The following PTPRB variants were observed in gnomAD, a reference collection of about 807,000 sequenced individuals.
The protein encoded by PTPRB is receptor-type tyrosine-protein phosphatase beta.
Under a neutral mutation model 238.1 loss-of-function variants are expected in PTPRB, and 97 were observed. That is an observed-to-expected ratio of 0.41 (90% CI 0.35 to 0.48). The LOEUF is 0.48. PTPRB is among the 20% of genes least tolerant of loss of function. PTPRB has a pLI of 0.30. For missense variants in PTPRB, 2,292 were observed against 2,681.9 expected, an observed-to-expected ratio of 0.85 and a Z score of 3.21; for synonymous variants, 970 against 995.4, an observed-to-expected ratio of 0.97 and a Z score of 0.48.
Position 70,636,067 on chromosome 12 carries a change from C to A in PTPRB, c.56-1G>T, listed in dbSNP as rs376092959. The A allele has an allele frequency of 4.4e-6, 7 of 1,601,144 alleles. No individual in the cohort carries two copies. Among genetic ancestry groups the A allele is most frequent in the Non-Finnish European group, 6.0e-6 (7 of 1,172,954 alleles). On this transcript the variant is annotated splice_acceptor_variant, in intron 1 of 33. Coordinates refer to ENST00000334414, the MANE Select transcript of PTPRB (RefSeq NM_001109754.4). LOFTEE classifies it high-confidence loss of function. ...TGGACATGGACAATCTGAAACCCTT[C>A]TGGAAGATGAAAAGCTCATAAAGCA...
At chr12:70,625,805 C>T (rs1240428228) in intron 2 of PTPRB, among the ~76,000 whole-genome samples, 1 of 152,124 alleles carries the variant, frequency 6.6e-6, no homozygotes, top group Non-Finnish European at 1.5e-5. Context: ...TGTTTCCCTA[C>T]TATAACACAA....
intron 4 of PTPRB, among the ~76,000 whole-genome samples, chr12:70,602,456 T>C (rs376631289): frequency 5.9e-4 from 90 of 152,338 alleles, no homozygotes; most frequent in African/African-American, 1.9e-3. Flanking sequence ...TCTAATCAGA[T>C]TGCTGTCCAA....
At chr12:70,611,858 A>G (rs899807937) in intron 3 of PTPRB, among the ~76,000 whole-genome samples, 8 of 152,182 alleles carry the variant, frequency 5.3e-5, no homozygotes, top group African/African-American at 1.7e-4. Context: ...GCCCAAGTTC[A>G]GTGGCTCTTC....
intron 18 of PTPRB, among the ~76,000 whole-genome samples, chr12:70,557,110 A>G (rs777485371): frequency 2.6e-5 from 4 of 152,216 alleles, no homozygotes; most frequent in South Asian, 2.1e-4. Context: ...AAAAGCTGTA[A>G]GGCAGAGGTG....
chr12:70,579,988 A>G (rs1374371315), intron 10 of PTPRB, among the ~76,000 whole-genome samples: 1 of 151,988 alleles, frequency 6.6e-6, no homozygotes, highest in East Asian at 1.9e-4. Flanking sequence ...AATTATATAA[A>G]ATTAAGTAGA....
chr12:70,596,655 A>G (rs1292191076), intron 4 of PTPRB, among the ~76,000 whole-genome samples: 4 of 152,176 alleles, frequency 2.6e-5, no homozygotes, highest in Non-Finnish European at 5.9e-5. Flanking sequence ...CAGTTTAGCA[A>G]CTTTTTCAAA....
At position 70,538,210 on chromosome 12, in the gene PTPRB, A is replaced by C. The variant is rs1349632372; in HGVS notation, c.5891T>G (p.Leu1964Arg). 2 of 1,613,354 alleles carry C rather than the reference A, an allele frequency of 1.2e-6. No individual in the cohort carries two copies. The highest frequency in any genetic ancestry group is 1.7e-6 in the Non-Finnish European group (2 of 1,179,732). The change falls in exon 28 of 34, where the codon CTC becomes CGC. Residue 1964 changes from leucine to arginine, a missense_variant. By Grantham distance (102) the Leu-to-Arg change is moderately radical. Coordinates refer to ENST00000334414, the MANE Select transcript of PTPRB (RefSeq NM_001109754.4). ...ILPYDATRVK[L>R]SNVDDDPCSD... ...GCAAGGATCATCATCTACATTGGAG[A>C]GCTTCACTCGCGTGGCATCATCTGG...
intron 18 of PTPRB, among the ~76,000 whole-genome samples, chr12:70,556,358 G>T (rs1055791090): frequency 1.3e-5 from 2 of 152,144 alleles, no homozygotes; most frequent in Non-Finnish European, 2.9e-5. Context: ...GACAGGTGTG[G>T]ACAAGTCTGA....
chr12:70,535,369 T>C (rs1216191634), intron 29 of PTPRB, among the ~76,000 whole-genome samples: 3 of 151,918 alleles, frequency 2.0e-5, no homozygotes, highest in Admixed American at 6.6e-5. Context: ...CCCTTCTTCG[T>C]TCATATTTTT....
rs1003316981 is a variant in PTPRB, at chr12:70,544,540, G to A, written c.5494+17C>T. On this transcript the variant is annotated intron_variant, in intron 22 of 33. Transcript: ENST00000334414. ...GACATGGCAGTTGGTAGAACATGAT[G>A]TAAAGGTTAGCCTTACCTGATTCAG... 5.8e-6 allele frequency: 9 copies of A among 1,554,682 alleles called. No individual in the cohort carries two copies. Among genetic ancestry groups the A allele is most frequent in the Middle Eastern group, 1.7e-4 (1 of 5,974 alleles).
rs1882988982 is a variant in PTPRB, at chr12:70,596,143, A to G, written c.1164T>C (p.Phe388=). 1 of 1,613,700 alleles carries G rather than the reference A, an allele frequency of 6.2e-7. No individual in the cohort carries two copies. Among genetic ancestry groups the G allele is most frequent in the South Asian group, 1.1e-5 (1 of 91,060 alleles). The change falls in exon 5 of 34, where the codon TTT becomes TTC. Residue 388 remains phenylalanine (F), a synonymous_variant. Coordinates refer to ENST00000334414, the MANE Select transcript of PTPRB (RefSeq NM_001109754.4). The part of the protein sequence containing the change: ...QESTSWNEYT[F]FNLTAGSKYN... ...ATTTACTACCAGCAGTGAGATTGAA[A>G]AAAGTGTATTCATTCCATGAAGTAC...
chr12:70,594,779 A>C, intron 5 of PTPRB, 55 bp from the exon 6 acceptor site: 1 of 1,578,482 alleles, frequency 6.3e-7, no homozygotes. Flanking sequence ...TATAGGAGAC[A>C]TAGACACATT....
At chr12:70,609,769 G>A in intron 3 of PTPRB, 3 of 1,584,048 alleles carry the variant, frequency 1.9e-6, no homozygotes, top group South Asian at 2.3e-5. Context: ...ACCTGCAGCA[G>A]GCTCAGTGTG....
At chr12:70,524,347 T>C in intron 33 of PTPRB, 124 bp downstream of exon 33, 1 of 1,087,404 alleles carries the variant, frequency 9.2e-7, no homozygotes. Context: ...ACTCTTAGGC[T>C]CAAGTGATCC....
At position 70,569,714 on chromosome 12, in the gene PTPRB, C is replaced by G. The variant is rs371970511; in HGVS notation, c.3595G>C (p.Gly1199Arg). Residue 1199 changes from glycine to arginine, a missense_variant, in exon 14 of 34, where the codon GGG becomes CGG. Gly to Arg is a moderately radical substitution (Grantham distance 125, BLOSUM62 -2). Coordinates refer to ENST00000334414, the MANE Select transcript of PTPRB (RefSeq NM_001109754.4). ...ACATTTATCTGATTCTTCAGGGACC[C>G]GCTGACTGAGGCAATCATGATCTGG... ...QYQIMIASVS[G>R]SLKNQINVVG... is the part of the protein sequence containing the mutation. 1.2e-6 allele frequency: 2 copies of G among 1,613,846 alleles called. No individual in the cohort carries two copies. Among genetic ancestry groups the G allele is most frequent in the African/African-American group, 1.3e-5 (1 of 75,010 alleles).
chr12:70,569,043 G>T (rs1879687269), intron 14 of PTPRB, among the ~76,000 whole-genome samples: 1 of 152,062 alleles, frequency 6.6e-6, no homozygotes, highest in African/African-American at 2.4e-5. Flanking sequence ...TTCTTAAAAG[G>T]TAGAACTTTT....
rs1871330446 is a variant in PTPRB, at chr12:70,518,112, T to A, written c.*3377A>T. ...CCCAAAGAAAACTGCCCCGAAAATG[T>A]CTGTGTGCTGTGTGCCTTTTAGTAT... On this transcript the variant is annotated 3_prime_UTR_variant, in exon 34 of 34. Coordinates refer to ENST00000334414, the MANE Select transcript of PTPRB (RefSeq NM_001109754.4). 2 of 152,144 alleles carry A rather than the reference T, an allele frequency of 1.3e-5. No homozygotes were observed. Among genetic ancestry groups the A allele is most frequent in the Admixed American group, 1.3e-4 (2 of 15,258 alleles). 9.4% of individuals were successfully genotyped at this position (152,144 alleles called of 1,614,324 possible). A position where few individuals can be genotyped will look rare whatever the true frequency, so the allele number is the denominator to read the frequency against.
At chr12:70,597,137 G>A (rs1883101879) in intron 4 of PTPRB, among the ~76,000 whole-genome samples, 2 of 152,046 alleles carry the variant, frequency 1.3e-5, no homozygotes, top group Non-Finnish European at 2.9e-5. Flanking sequence ...GGCCAGGCTG[G>A]TCTCAAACTC....
chr12:70,586,640 A>G (rs1484259688), intron 9 of PTPRB, among the ~76,000 whole-genome samples: 1 of 152,128 alleles, frequency 6.6e-6, no homozygotes, highest in Non-Finnish European at 1.5e-5. Flanking sequence ...CATCTTCTAG[A>G]TCATTCCCTC....
Sources: gnomAD v4.1 joint callset for allele counts (sites outside exome capture counted in the v4.1 genomes callset) on GRCh38, gnomAD v4.1.1 for gene constraint, MANE v1.5 for transcripts, NCBI Gene and HGNC (gene_info 2026-07-23, HGNC 2026-07-21) for gene names.